ABI1: variants seen among roughly 807,000 people sequenced by gnomAD.
ABI1 encodes the protein Abelson interactor 1.
A neutral mutation model predicts 54.6 loss-of-function variants in ABI1; 14 were observed. That is an observed-to-expected ratio of 0.26 (90% CI 0.17 to 0.40). The LOEUF (loss-of-function observed/expected upper bound fraction) is 0.40. Among genes scored for constraint, ABI1 ranks in the 10% least tolerant of loss-of-function variants. The probability of loss-of-function intolerance (pLI) is 1.00; values close to 1 mark genes in which losing one functional copy is unlikely to be tolerated. For missense variants in ABI1, 443 were observed against 598.3 expected (o/e 0.74, Z 2.71); for synonymous variants, 194 against 209.3 (o/e 0.93, Z 0.63).
chr10:26,815,226 T>C (rs2133641911), intron 2 of ABI1, among the ~76,000 whole-genome samples: 1 of 152,232 alleles, frequency 6.6e-6, no homozygotes, highest in Non-Finnish European at 1.5e-5. Context: ...TGTTTTTATG[T>C]AAATTTAGCC....
chr10:26,846,668 C>T (rs2050003254), intron 1 of ABI1, among the ~76,000 whole-genome samples: 1 of 152,114 alleles, frequency 6.6e-6, no homozygotes, highest in South Asian at 2.1e-4. Flanking sequence ...AATGCCTTCT[C>T]ATCAGCCTCA....
intron 2 of ABI1, among the ~76,000 whole-genome samples, chr10:26,822,712 C>T (rs1044148631): frequency 6.6e-6 from 1 of 151,936 alleles, no homozygotes; most frequent in Non-Finnish European, 1.5e-5. Flanking sequence ...GGAGGGATTA[C>T]GTAGGAGAAT....
chr10:26,856,077 A>AG (rs35929906), intron 1 of ABI1, among the ~76,000 whole-genome samples: 86,759 of 151,154 alleles, frequency 0.57, 27,054 homozygotes, highest in African/African-American at 0.83. Context: ...ACCTGAGGCC[A>AG]GAGTTCGAGA....
chr10:26,851,938 T>C (rs1233496917), intron 1 of ABI1, among the ~76,000 whole-genome samples: 1 of 152,142 alleles, frequency 6.6e-6, no homozygotes. Flanking sequence ...TCTAGTGGGA[T>C]TGCCTAACTA....
At chr10:26,822,219 C>T (rs758496726) in intron 2 of ABI1, among the ~76,000 whole-genome samples, 1 of 151,984 alleles carries the variant, frequency 6.6e-6, no homozygotes, top group Non-Finnish European at 1.5e-5. Context: ...TGCAAAGAAG[C>T]GTTTGATAAA....
In ABI1 at chr10:26,747,061, A is replaced by T. The variant is rs556414312; in HGVS notation, c.*1509T>A. On this transcript the variant is annotated 3_prime_UTR_variant, in exon 11 of 11. Coordinates refer to ENST00000376140, the MANE Select transcript of ABI1 (RefSeq NM_001012750.3). ...AATTAACAAAGGCAAAATGCATATGAAATAGTCACATTGATTTGGTAGCAA... is the reference window on the plus strand; with the variant it reads ...AATTAACAAAGGCAAAATGCATATGTAATAGTCACATTGATTTGGTAGCAA... 131 of 230,052 alleles carry T rather than the reference A, an allele frequency of 5.7e-4. 1 individual carries two copies. Among genetic ancestry groups the T allele is most frequent in the South Asian group, 1.8e-3 (12 of 6,502 alleles). 14.3% of individuals were successfully genotyped at this position (230,052 alleles called of 1,614,324 possible). A position where few individuals can be genotyped will look rare whatever the true frequency, so the allele number is the denominator to read the frequency against.
At chr10:26,771,200 T>C (rs1307276443) in intron 3 of ABI1, 111 bp from the exon 4 acceptor site, 2 of 1,175,260 alleles carry the variant, frequency 1.7e-6, no homozygotes, top group Admixed American at 1.8e-5. Context: ...TAATAAGCTT[T>C]TTTCCAGCCA....
At chr10:26,820,205 G>C (rs770944835) in intron 2 of ABI1, among the ~76,000 whole-genome samples, 2 of 152,158 alleles carry the variant, frequency 1.3e-5, no homozygotes, top group Non-Finnish European at 2.9e-5. Flanking sequence ...CACAAAAAAA[G>C]TAGCTGTGTG....
intron 2 of ABI1, among the ~76,000 whole-genome samples, chr10:26,810,419 G>A (rs2047156258): frequency 6.6e-6 from 1 of 152,038 alleles, no homozygotes; most frequent in Non-Finnish European, 1.5e-5. Flanking sequence ...AAAAAAAAAT[G>A]TTACTTACTA....
chr10:26,832,961 T>C (rs1385916678), intron 1 of ABI1, among the ~76,000 whole-genome samples: 1 of 152,238 alleles, frequency 6.6e-6, no homozygotes, highest in South Asian at 2.1e-4. Flanking sequence ...AGAACGCCTA[T>C]TCCAATAAAA....
chr10:26,824,849 C>T (rs978417928), intron 1 of ABI1, among the ~76,000 whole-genome samples: 4 of 152,072 alleles, frequency 2.6e-5, no homozygotes, highest in African/African-American at 9.7e-5. Context: ...AAAGATACTG[C>T]GGTTTTGGCT....
intron 2 of ABI1, among the ~76,000 whole-genome samples, chr10:26,808,046 C>T (rs1429119796): frequency 6.6e-6 from 1 of 152,082 alleles, no homozygotes; most frequent in Non-Finnish European, 1.5e-5. Flanking sequence ...GAGCTGAGAT[C>T]GCACCATTGC....
rs148352558 is a variant in ABI1, at chr10:26,755,741, A to G, written c.998T>C (p.Ile333Thr). ...AGGGGGAGGGGGTGGAGCAATAGAAACTGGTAGCAACAACACAGTATGGGG... is the reference window on the plus strand; with the variant it reads ...AGGGGGAGGGGGTGGAGCAATAGAAGCTGGTAGCAACAACACAGTATGGGG... ...NGGPLYSQNS[I>T]SIAPPPPPMP... The change falls in exon 9 of 11, where the codon ATT becomes ACT. Residue 333 changes from isoleucine to threonine, a missense_variant and splice_region_variant. By Grantham distance (89) the Ile-to-Thr change is moderately conservative (BLOSUM62 -1). Around this residue, in one of 2 missense-constraint regions of ABI1, gnomAD observed 394 missense variants for 484.8 expected, o/e 0.81. Transcript: ENST00000376140. 4 of 1,605,964 alleles carry G rather than the reference A, an allele frequency of 2.5e-6. No homozygotes were observed. The highest frequency in any genetic ancestry group is 3.4e-6 in the Non-Finnish European group (4 of 1,173,156).
At chr10:26,749,478 C>G (rs1354811655) in intron 10 of ABI1, among the ~76,000 whole-genome samples, 1 of 152,152 alleles carries the variant, frequency 6.6e-6, no homozygotes, top group Non-Finnish European at 1.5e-5. Context: ...TTCACATACA[C>G]CTTATACACA....
chr10:26,799,750 C>G (rs946343014), intron 2 of ABI1, among the ~76,000 whole-genome samples: 1 of 151,960 alleles, frequency 6.6e-6, no homozygotes, highest in African/African-American at 2.4e-5. Flanking sequence ...ATTCAAAACC[C>G]AAAGAATTTT....
intron 3 of ABI1, among the ~76,000 whole-genome samples, chr10:26,776,363 T>C (rs965699767): frequency 9.9e-5 from 15 of 152,120 alleles, no homozygotes; most frequent in African/African-American, 3.6e-4. Flanking sequence ...AGAATCCAAA[T>C]CAAATAGTCC....
chr10:26,806,388 A>G (rs960309039), intron 2 of ABI1, among the ~76,000 whole-genome samples: 1 of 152,182 alleles, frequency 6.6e-6, no homozygotes, highest in Admixed American at 6.5e-5. Flanking sequence ...GTTTTTTTCC[A>G]AATTGATGCT....
chr10:26,788,785 C>T (rs561391280), intron 2 of ABI1, among the ~76,000 whole-genome samples: 46 of 151,992 alleles, frequency 3.0e-4, no homozygotes, highest in African/African-American at 7.0e-4. Context: ...GGTTGGCGGA[C>T]GCCTGTAGTC....
intron 1 of ABI1, among the ~76,000 whole-genome samples, chr10:26,844,122 C>T (rs7073329): frequency 0.26 from 38,856 of 152,040 alleles, 5,627 homozygotes; most frequent in South Asian, 0.44. Flanking sequence ...ACTTCATCTC[C>T]TCCACCTTCC....
Sources: gnomAD v4.1 joint callset for allele counts (sites outside exome capture counted in the v4.1 genomes callset) on GRCh38, gnomAD v4.1.1 for gene constraint, gnomAD v4.1.1 regional missense constraint, MANE v1.5 for transcripts, NCBI Gene and HGNC (gene_info 2026-07-23, HGNC 2026-07-21) for gene names.